Variants in BBX observed in about 807,000 individuals in gnomAD.
BBX encodes the protein BBX high mobility group box domain containing.
Under a neutral mutation model 100.2 loss-of-function variants are expected in BBX, and 30 were observed. That is an observed-to-expected ratio of 0.30 (90% CI 0.22 to 0.41). BBX has a LOEUF of 0.41. Ranked by LOEUF, BBX falls within the 10% of genes least tolerant of loss-of-function variation. BBX has a pLI of 1.00. For synonymous variants in BBX, 376 were observed against 388.1 expected, an observed-to-expected ratio of 0.97 and a Z score of 0.37; for missense variants, 1,023 against 1,129.8, an observed-to-expected ratio of 0.91 and a Z score of 1.35.
intron 2 of BBX, among the ~76,000 whole-genome samples, chr3:107,533,952 A>C (rs955180955): frequency 1.3e-5 from 2 of 152,208 alleles, no homozygotes; most frequent in Non-Finnish European, 2.9e-5. Flanking sequence ...TTCAATAATT[A>C]ATTATGAAAT....
chr3:107,803,192 G>A (rs1379257624), intron 17 of BBX, among the ~76,000 whole-genome samples: 1 of 152,180 alleles, frequency 6.6e-6, no homozygotes, highest in Admixed American at 6.5e-5. Flanking sequence ...AATAATGTGA[G>A]TAAAGATTCT....
chr3:107,591,542 C>A, intron 2 of BBX, among the ~76,000 whole-genome samples: 1 of 152,148 alleles, frequency 6.6e-6, no homozygotes, highest in Non-Finnish European at 1.5e-5. Flanking sequence ...CACTGGAGTG[C>A]GGTAACGCTA....
chr3:107,698,381 G>C (rs940570220), intron 3 of BBX, among the ~76,000 whole-genome samples: 1 of 151,522 alleles, frequency 6.6e-6, no homozygotes, highest in Non-Finnish European at 1.5e-5. Flanking sequence ...GGCCAGATGC[G>C]GTGGTTCACA....
intron 3 of BBX, among the ~76,000 whole-genome samples, chr3:107,704,835 A>G (rs755005005): frequency 4.4e-4 from 67 of 152,194 alleles, no homozygotes; most frequent in Non-Finnish European, 8.1e-4. Context: ...ACCTAACAGA[A>G]TCAAGTACAA....
At chr3:107,716,000 C>A (rs2062076105) in intron 4 of BBX, among the ~76,000 whole-genome samples, 1 of 152,054 alleles carries the variant, frequency 6.6e-6, no homozygotes, top group Non-Finnish European at 1.5e-5. Flanking sequence ...TGTTAAATAT[C>A]GATTTTGATT....
intron 2 of BBX, among the ~76,000 whole-genome samples, chr3:107,617,114 TACTC>T (rs1352790319): frequency 6.6e-6 from 1 of 152,214 alleles, no homozygotes; most frequent in Non-Finnish European, 1.5e-5. Flanking sequence ...TGTGTAAGTC[TACTC>T]GCTGTAGCAC....
chr3:107,803,636 C>T (rs555186698), intron 17 of BBX, among the ~76,000 whole-genome samples: 18 of 152,328 alleles, frequency 1.2e-4, no homozygotes, highest in African/African-American at 4.1e-4. Context: ...TTAGCCCTCC[C>T]AAGTGGGCCT....
At chr3:107,729,061 C>T (rs2063150428) in intron 6 of BBX, 101 bp downstream of exon 6, 1 of 1,175,452 alleles carries the variant, frequency 8.5e-7, no homozygotes, top group African/African-American at 1.5e-5. Flanking sequence ...AATTTATAAC[C>T]AATATTAAGC....
chr3:107,666,989 A>C (rs1332146542), intron 3 of BBX, among the ~76,000 whole-genome samples: 1 of 152,252 alleles, frequency 6.6e-6, no homozygotes, highest in Non-Finnish European at 1.5e-5. Flanking sequence ...AAGAAGCCAG[A>C]CTATCTGTGA....
intron 3 of BBX, among the ~76,000 whole-genome samples, chr3:107,698,064 G>C (rs1257240790): frequency 6.6e-6 from 1 of 151,732 alleles, no homozygotes; most frequent in Non-Finnish European, 1.5e-5. Flanking sequence ...CTCGTGCACG[G>C]TGCGCGCACC....
intron 2 of BBX, among the ~76,000 whole-genome samples, chr3:107,578,791 C>G (rs1390117484): frequency 1.3e-5 from 2 of 152,072 alleles, no homozygotes; most frequent in Non-Finnish European, 2.9e-5. Context: ...AGAGTTCTTC[C>G]TGCTCCCTGG....
chr3:107,754,345 G>A (rs1208707758), intron 9 of BBX, among the ~76,000 whole-genome samples: 2 of 152,034 alleles, frequency 1.3e-5, no homozygotes, highest in East Asian at 3.9e-4. Context: ...GTGAAAATTC[G>A]GCCAGAAGAA....
chr3:107,732,924 A>T (rs62262030), intron 6 of BBX, 32 bp from the exon 7 acceptor site: 2 of 1,572,254 alleles, frequency 1.3e-6, no homozygotes, highest in Non-Finnish European at 1.7e-6. Flanking sequence ...CTTTATGCTT[A>T]TAAGTTGGTG....
At chr3:107,731,248 G>T (rs147548133) in intron 6 of BBX, among the ~76,000 whole-genome samples, 4 of 152,052 alleles carry the variant, frequency 2.6e-5, no homozygotes, top group Admixed American at 6.6e-5. Flanking sequence ...AGTCACATTG[G>T]TATATAAATT....
chr3:107,561,287 C>A (rs980746018), intron 2 of BBX, among the ~76,000 whole-genome samples: 7 of 152,138 alleles, frequency 4.6e-5, no homozygotes, highest in African/African-American at 1.7e-4. Flanking sequence ...TATGTAGAAT[C>A]CATTCCAAGT....
At chr3:107,610,367 G>C (rs1156458569) in intron 2 of BBX, among the ~76,000 whole-genome samples, 1 of 151,976 alleles carries the variant, frequency 6.6e-6, no homozygotes, top group Non-Finnish European at 1.5e-5. Flanking sequence ...ATATCCATTA[G>C]GTTCATTTGA....
chr3:107,730,963 CT>C (rs1277573786), intron 6 of BBX, among the ~76,000 whole-genome samples: 9 of 152,104 alleles, frequency 5.9e-5, no homozygotes, highest in Non-Finnish European at 1.5e-5. Flanking sequence ...TATGGAATCT[CT>C]TTTGTTTTGC....
chr3:107,525,765 C>G (rs1314744810), intron 1 of BBX, among the ~76,000 whole-genome samples: 1 of 152,182 alleles, frequency 6.6e-6, no homozygotes, highest in African/African-American at 2.4e-5. Context: ...TGTGTTTTCC[C>G]TGGTCGGTTC....
chr3:107,700,900 T>TA (rs1011324690), intron 3 of BBX, among the ~76,000 whole-genome samples: 2,062 of 151,818 alleles, frequency 0.014, 68 homozygotes, highest in African/African-American at 0.048. Flanking sequence ...GCAATAAACA[T>TA]ACGTGTGCAT....
Sources: gnomAD v4.1 joint callset for allele counts (sites outside exome capture counted in the v4.1 genomes callset) on GRCh38, gnomAD v4.1.1 for gene constraint, MANE v1.5 for transcripts, NCBI Gene and HGNC (gene_info 2026-07-23, HGNC 2026-07-21) for gene names.